The following NFATC2 variants were observed in gnomAD, a reference collection of about 807,000 sequenced individuals.
NFATC2 encodes the protein nuclear factor of activated T cells 2, also known as nuclear factor of activated T-cells, cytoplasmic 2.
NFATC2 carries 22 observed loss-of-function variants against 87.3 expected under a neutral mutation model. The ratio of observed to expected loss-of-function variants is 0.25; its 90% CI spans 0.18 to 0.36. NFATC2 has a LOEUF of 0.36. Ranked by LOEUF, NFATC2 falls within the 10% of genes least tolerant of loss-of-function variation. The pLI, the probability that NFATC2 is intolerant of heterozygous loss-of-function variation, is 1.00. For missense variants in NFATC2, 1,149 were observed against 1,259.1 expected (o/e 0.91, Z 1.32); for synonymous variants, 565 against 542.2 (o/e 1.04, Z -0.58).
intron 1 of NFATC2, among the ~76,000 whole-genome samples, chr20:51,555,307 A>AT (rs943388904): frequency 6.6e-5 from 10 of 152,070 alleles, no homozygotes; most frequent in African/African-American, 1.9e-4. Context: ...ACAAGATCCT[A>AT]TGTGGGCCGG....
intron 9 of NFATC2, among the ~76,000 whole-genome samples, chr20:51,420,705 T>C (rs1016435572): frequency 4.6e-5 from 7 of 152,044 alleles, no homozygotes; most frequent in African/African-American, 9.7e-5. Flanking sequence ...TGAACTATAA[T>C]AAAAACAAAG....
intron 6 of NFATC2, among the ~76,000 whole-genome samples, chr20:51,449,228 G>A (rs886309527): frequency 1.3e-5 from 2 of 152,174 alleles, no homozygotes; most frequent in East Asian, 1.9e-4. Flanking sequence ...AGATGGGAAC[G>A]GGGATGAGTT....
chr20:51,552,362 G>A (rs2076941705), intron 1 of NFATC2, among the ~76,000 whole-genome samples: 1 of 152,038 alleles, frequency 6.6e-6, no homozygotes, highest in South Asian at 2.1e-4. Flanking sequence ...TGAATTTCTT[G>A]CATTTTGCTC....
intron 1 of NFATC2, among the ~76,000 whole-genome samples, chr20:51,551,799 G>A (rs1359105129): frequency 6.6e-6 from 1 of 152,100 alleles, no homozygotes; most frequent in Non-Finnish European, 1.5e-5. Flanking sequence ...AGGCCAAGGT[G>A]GGCGGATCAT....
intron 2 of NFATC2, among the ~76,000 whole-genome samples, chr20:51,517,280 A>T (rs762246579): frequency 6.6e-6 from 1 of 152,166 alleles, no homozygotes; most frequent in Non-Finnish European, 1.5e-5. Context: ...CTAAACACAG[A>T]AAAGGTACAC....
chr20:51,394,566 C>T (rs1384363431), intron 10 of NFATC2, among the ~76,000 whole-genome samples: 1 of 152,112 alleles, frequency 6.6e-6, no homozygotes, highest in Non-Finnish European at 1.5e-5. Flanking sequence ...TGTCTCCTCA[C>T]TATCCCCTGC....
intron 10 of NFATC2, among the ~76,000 whole-genome samples, chr20:51,392,823 T>C (rs1209665138): frequency 6.6e-6 from 1 of 152,194 alleles, no homozygotes; most frequent in Non-Finnish European, 1.5e-5. Flanking sequence ...AGGGTGCTTT[T>C]CGCTGGAAAA....
intron 1 of NFATC2, among the ~76,000 whole-genome samples, chr20:51,550,579 G>A (rs771638588): frequency 4.0e-5 from 6 of 151,854 alleles, no homozygotes; most frequent in South Asian, 2.1e-4. Flanking sequence ...TGACAAGAGC[G>A]AAACTCCATC....
intron 6 of NFATC2, among the ~76,000 whole-genome samples, chr20:51,436,719 C>T (rs1307774955): frequency 2.0e-5 from 1 of 50,748 alleles, no homozygotes; most frequent in African/African-American, 4.0e-5. Context: ...TGTCTCAAAA[C>T]AAACAAACAA....
At chr20:51,459,446 T>TA (rs879410402) in intron 5 of NFATC2, among the ~76,000 whole-genome samples, 41 of 151,900 alleles carry the variant, frequency 2.7e-4, no homozygotes, top group Non-Finnish European at 4.9e-4. Context: ...TTTCTGGTGA[T>TA]AAAAAAAAGT....
intron 3 of NFATC2, among the ~76,000 whole-genome samples, chr20:51,498,413 G>A (rs1420852354): frequency 6.6e-6 from 1 of 152,226 alleles, no homozygotes; most frequent in Non-Finnish European, 1.5e-5. Context: ...AAAGATGAAT[G>A]TGTGGCAGGG....
rs1044970513 is a variant in NFATC2 at position 51,432,862 on chromosome 20, G to A, written c.2033-106C>T. 23 of 981,726 alleles carry A rather than the reference G, an allele frequency of 2.3e-5. No homozygotes were observed. Among genetic ancestry groups the A allele is most frequent in the African/African-American group, 1.7e-4 (10 of 59,000 alleles). The allele number at this position is 981,726 out of a possible 1,614,324, so 60.8% of individuals were successfully genotyped here. On this transcript the variant is annotated intron_variant, in intron 8 of 10. Transcript: ENST00000371564. This position sits in a 1 kb window ranked among gnomAD's most constrained non-coding sequence, Gnocchi z 4.6. ...AGAACATGGCCTTGGGAGTCCATAC[G>A]GGTGGGACAAACAGCTGGTCCCTGT...
Position 51,417,581 on chromosome 20 carries a change from C to T in NFATC2, c.2722+14486G>A, listed in dbSNP as rs191750755. ...TGACCACCCCGTTTGAAGTTATGCCCGTCCCCATCGTCACTTTATTGAACT... is the reference window on the plus strand; with the variant it reads ...TGACCACCCCGTTTGAAGTTATGCCTGTCCCCATCGTCACTTTATTGAACT... On this transcript the variant is annotated intron_variant, in intron 9 of 10. Transcript: ENST00000371564. 7.2e-5 allele frequency among the ~76,000 whole-genome samples: 11 copies of T among 152,292 alleles called. No homozygotes were observed. In the East Asian group the frequency reaches 1.9e-3, roughly 27 times the overall value.
chr20:51,503,704 C>A (rs560653481), intron 3 of NFATC2, among the ~76,000 whole-genome samples: 28 of 152,350 alleles, frequency 1.8e-4, no homozygotes, highest in African/African-American at 6.5e-4. Flanking sequence ...TGTTGTTCTA[C>A]CTCTGCCTGG....
intron 2 of NFATC2, among the ~76,000 whole-genome samples, chr20:51,522,713 A>G (rs2076468316): frequency 6.6e-6 from 1 of 152,198 alleles, no homozygotes; most frequent in African/African-American, 2.4e-5. Context: ...ATGAAAGCAG[A>G]AATTTTTGCC....
upstream of NFATC2, among the ~76,000 whole-genome samples, chr20:51,544,679 C>T (rs1019762371): frequency 3.9e-5 from 6 of 152,178 alleles, no homozygotes; most frequent in African/African-American, 1.2e-4. Context: ...CCAGACTACA[C>T]ATTAGAATCA....
intron 9 of NFATC2, among the ~76,000 whole-genome samples, chr20:51,400,273 C>CATATCTACTCATTT (rs1158724310): frequency 1.3e-5 from 2 of 152,156 alleles, no homozygotes; most frequent in Non-Finnish European, 2.9e-5. Context: ...TCACTTTATC[C>CATATCTACTCATTT]ATATCTACTC....
chr20:51,457,494 G>C (rs1986677719), intron 5 of NFATC2, among the ~76,000 whole-genome samples: 2 of 152,136 alleles, frequency 1.3e-5, no homozygotes, highest in African/African-American at 4.8e-5. Context: ...CGGCAGCCTC[G>C]TTGCTTCCCC....
intron 1 of NFATC2, among the ~76,000 whole-genome samples, chr20:51,556,665 T>C (rs143245005): frequency 6.6e-6 from 1 of 151,722 alleles, no homozygotes; most frequent in East Asian, 2.0e-4. Flanking sequence ...GAAACCCAGA[T>C]AGGAAGCCTC....
Sources: allele counts gnomAD v4.1 joint callset (sites outside exome capture counted in the v4.1 genomes callset), GRCh38; gene constraint gnomAD v4.1.1; non-coding constraint Gnocchi (gnomAD v3.1); transcripts MANE v1.5; gene names NCBI Gene and HGNC (gene_info 2026-07-23, HGNC 2026-07-21).